VPS13A: variants seen among roughly 807,000 people sequenced by gnomAD.
VPS13A encodes the protein vacuolar protein sorting 13 homolog A.
In VPS13A, 264 loss-of-function variants were observed where a neutral mutation model predicts 390.9. That is an observed-to-expected ratio of 0.68 (90% CI 0.61 to 0.75). The LOEUF (loss-of-function observed/expected upper bound fraction) is 0.75. Ranked by LOEUF, VPS13A falls within the 30% of genes least tolerant of loss-of-function variation. VPS13A has a pLI of 0.00. For synonymous variants in VPS13A, 1,231 were observed against 1,227.1 expected (o/e 1.00, Z -0.07); for missense variants, 3,409 against 3,733.9 (o/e 0.91, Z 2.27).
chr9:77,288,818 T>C (rs1301651076), intron 31 of VPS13A, among the ~76,000 whole-genome samples: 1 of 152,238 alleles, frequency 6.6e-6, no homozygotes, highest in East Asian at 1.9e-4. Context: ...CTGGTTGTGT[T>C]GAAGCCTCTG....
intron 20 of VPS13A, among the ~76,000 whole-genome samples, chr9:77,248,181 CCTT>C (rs1172741199): frequency 6.6e-6 from 1 of 151,488 alleles, no homozygotes. Flanking sequence ...TGAGAAATGG[CCTT>C]CTTCTGTTTA....
Position 77,395,670 on chromosome 9 carries a change from T to C in VPS13A, c.9190-7566T>C, listed in dbSNP as rs1006234038. On this transcript the variant is annotated intron_variant, in intron 68 of 71. Coordinates refer to ENST00000360280, the MANE Select transcript of VPS13A (RefSeq NM_033305.3). ...TTAGATATGCCTGTAATTATTAGCA[T>C]GGTGCCTAATAATAACTCATTATAT... 1.8e-4 allele frequency: 28 copies of C among 152,178 alleles called. 1 individual carries two copies. Among genetic ancestry groups the C allele is most frequent in the Admixed American group, 1.8e-3 (27 of 15,280 alleles). The allele number at this position is 152,178 out of a possible 1,614,324, so 9.4% of individuals were successfully genotyped here. A position where few individuals can be genotyped will look rare whatever the true frequency, so the allele number is the denominator to read the frequency against.
intron 22 of VPS13A, among the ~76,000 whole-genome samples, chr9:77,254,918 A>G (rs946086834): frequency 6.6e-6 from 1 of 152,212 alleles, no homozygotes; most frequent in African/African-American, 2.4e-5. Context: ...TTTTCCACAT[A>G]TAAGATCCTA....
At chr9:77,335,105 G>A (rs1437337559) in intron 46 of VPS13A, among the ~76,000 whole-genome samples, 4 of 152,142 alleles carry the variant, frequency 2.6e-5, no homozygotes, top group African/African-American at 9.7e-5. Flanking sequence ...AGATAGTTTT[G>A]ACCATTGTTC....
At chr9:77,289,822 C>G (rs1217624999) in intron 31 of VPS13A, among the ~76,000 whole-genome samples, 1 of 151,012 alleles carries the variant, frequency 6.6e-6, no homozygotes, top group Non-Finnish European at 1.5e-5. Context: ...GCTCTGTCGC[C>G]CAGGCTGGAG....
chr9:77,411,846 G>A (rs1834948131), intron 71 of VPS13A, among the ~76,000 whole-genome samples: 1 of 151,774 alleles, frequency 6.6e-6, no homozygotes. Context: ...TGGACCGCCA[G>A]CAAGTCTAAT....
chr9:77,336,250 G>A (rs1164856541), intron 46 of VPS13A, among the ~76,000 whole-genome samples: 2 of 152,234 alleles, frequency 1.3e-5, no homozygotes, highest in East Asian at 3.9e-4. Flanking sequence ...AATACCTAAT[G>A]TAGATGATCG....
At chr9:77,228,073 C>T in intron 16 of VPS13A, 49 bp from the exon 17 acceptor site, 1 of 1,281,960 alleles carries the variant, frequency 7.8e-7, no homozygotes, top group South Asian at 1.6e-5. Context: ...ATTTGTTATG[C>T]TTATATATAT....
intron 1 of VPS13A, among the ~76,000 whole-genome samples, chr9:77,198,996 C>CT (rs1365685327): frequency 6.6e-6 from 1 of 152,092 alleles, no homozygotes; most frequent in Non-Finnish European, 1.5e-5. Flanking sequence ...TTCTGCCAAT[C>CT]TGTCTTTTTG....
intron 1 of VPS13A, among the ~76,000 whole-genome samples, chr9:77,185,391 T>C (rs1274602683): frequency 1.3e-5 from 2 of 152,098 alleles, no homozygotes; most frequent in African/African-American, 2.4e-5. Context: ...CCACCTGCCT[T>C]GGCCTCCCAA....
intron 1 of VPS13A, among the ~76,000 whole-genome samples, chr9:77,194,131 C>CG (rs968941970): frequency 2.5e-4 from 38 of 151,964 alleles, no homozygotes; most frequent in Non-Finnish European, 4.0e-4. Context: ...GAAAAGCCGT[C>CG]GGGGGAGGCT....
intron 68 of VPS13A, among the ~76,000 whole-genome samples, chr9:77,391,462 A>G (rs1231693399): frequency 6.6e-6 from 1 of 152,160 alleles, no homozygotes; most frequent in East Asian, 1.9e-4. Flanking sequence ...TATTAAAGGA[A>G]GCACCATGTT....
At chr9:77,310,044 T>C (rs1828980439) in intron 35 of VPS13A, among the ~76,000 whole-genome samples, 1 of 152,140 alleles carries the variant, frequency 6.6e-6, no homozygotes, top group Non-Finnish European at 1.5e-5. Context: ...TTTTTGAAGC[T>C]CAGATTCTAT....
Position 77,316,378 on chromosome 9 carries a change from C to T in VPS13A, c.4835C>T (p.Pro1612Leu). Reference sequence around the variant, plus strand: ...CAAGTGAGAGCCTGCCCGTTTCTTCCAGTCAAGAGAAAAGGCAAAATCACT... The same window carrying T: ...CAAGTGAGAGCCTGCCCGTTTCTTCTAGTCAAGAGAAAAGGCAAAATCACT... ...DLQVRACPFL[P>L]VKRKGKITTV... Residue 1612 changes from proline (P) to leucine (L), a missense_variant, in exon 39 of 72, where the codon CCA becomes CTA. Around this residue, in one of 5 missense-constraint regions of VPS13A, gnomAD observed 2,717 missense variants for 2,917.4 expected, o/e 0.93. Transcript: ENST00000360280. 6.2e-7 allele frequency: 1 copy of T among 1,612,954 alleles called. No homozygotes were observed. Among genetic ancestry groups the T allele is most frequent in the Non-Finnish European group, 8.5e-7 (1 of 1,179,200 alleles).
At position 77,313,975 on chromosome 9, in the gene VPS13A, A is replaced by C; in HGVS notation, c.4115-17A>C. 1 of 1,606,032 alleles carries C rather than the reference A, an allele frequency of 6.2e-7. No individual in the cohort carries two copies. Among genetic ancestry groups the C allele is most frequent in the Non-Finnish European group, 8.5e-7 (1 of 1,175,528 alleles). On this transcript the variant is annotated splice_polypyrimidine_tract_variant and intron_variant, in intron 35 of 71. Transcript: ENST00000360280. ...TCATGATATTTTCTTTTATTAAATAACTTTAATTTTTTCAAGGAGCAACTG... is the reference window on the plus strand; with the variant it reads ...TCATGATATTTTCTTTTATTAAATACCTTTAATTTTTTCAAGGAGCAACTG...
At chr9:77,340,809 G>A (rs937603568) in intron 50 of VPS13A, 2 of 421,164 alleles carry the variant, frequency 4.7e-6, no homozygotes, top group East Asian at 9.7e-5. Flanking sequence ...GTTAAATAAA[G>A]CAGCCAAAGA....
Position 77,404,936 on chromosome 9 carries a change from T to C in VPS13A, c.9276-928T>C, listed in dbSNP as rs147953713. On this transcript the variant is annotated intron_variant, in intron 69 of 71. Transcript: ENST00000360280. The stretch of plus-strand genomic sequence containing the variant: ...AGGGACAGAAGATGGAAGTGAGAGA[T>C]AGATATAAATCCTGGCTAGCTCTCT... 5.9e-3 allele frequency among the ~76,000 whole-genome samples: 897 copies of C among 151,918 alleles called. 12 individuals carry two copies. Among genetic ancestry groups the C allele is most frequent in the African/African-American group, 0.02 (841 of 41,440 alleles).
At chr9:77,213,834 A>AT (rs1720311509) in intron 9 of VPS13A, among the ~76,000 whole-genome samples, 1 of 152,152 alleles carries the variant, frequency 6.6e-6, no homozygotes. Flanking sequence ...CTCCTAGAAC[A>AT]TTCTTTTATA....
chr9:77,322,195 G>GT (rs1303113021), intron 44 of VPS13A, among the ~76,000 whole-genome samples: 3,031 of 142,652 alleles, frequency 0.021, 96 homozygotes, highest in African/African-American at 0.068. Flanking sequence ...TTTATAAATG[G>GT]TTTTTTTTTT....
Sources: allele counts gnomAD v4.1 joint callset (sites outside exome capture counted in the v4.1 genomes callset), GRCh38; gene constraint gnomAD v4.1.1; regional missense constraint gnomAD v4.1.1; transcripts MANE v1.5; gene names NCBI Gene and HGNC (gene_info 2026-07-23, HGNC 2026-07-21).